The following NFATC2 variants were observed in gnomAD, a reference collection of about 807,000 sequenced individuals.
NFATC2 encodes the protein nuclear factor of activated T cells 2.
NFATC2 carries 22 observed loss-of-function variants against 87.3 expected under a neutral mutation model. That is an observed-to-expected ratio of 0.25 (90% CI 0.18 to 0.36). The LOEUF (loss-of-function observed/expected upper bound fraction) is 0.36, where lower values mean the gene tolerates loss of function less well. Ranked by LOEUF, NFATC2 falls within the 10% of genes least tolerant of loss-of-function variation. The pLI is 1.00. For missense variants in NFATC2, 1,149 were observed against 1,259.1 expected (o/e 0.91, Z 1.32); for synonymous variants, 565 against 542.2 (o/e 1.04, Z -0.58).
At chr20:51,393,309 A>G (rs1176291907) in intron 10 of NFATC2, among the ~76,000 whole-genome samples, 5 of 152,166 alleles carry the variant, frequency 3.3e-5, no homozygotes, top group Non-Finnish European at 7.3e-5. Context: ...ATTGCATCTA[A>G]AAATATTACC....
rs985733020 is a variant in NFATC2, at chr20:51,480,023, C to T, written c.1333-4363G>A. On this transcript the variant is annotated intron_variant, in intron 3 of 10. Coordinates refer to ENST00000371564, the MANE Select transcript of NFATC2 (RefSeq NM_012340.5). This position sits in a 1 kb window ranked among gnomAD's most constrained non-coding sequence, Gnocchi z 4.2. ...CTTCCTGGGGCCAGGCGCGGTGGCTCGTGCCTGTAATCCCAGCACTTTGGG... is the reference window on the plus strand; with the variant it reads ...CTTCCTGGGGCCAGGCGCGGTGGCTTGTGCCTGTAATCCCAGCACTTTGGG... 2.0e-5 allele frequency among the ~76,000 whole-genome samples: 3 copies of T among 152,120 alleles called. No individual in the cohort carries two copies. Among genetic ancestry groups the T allele is most frequent in the African/African-American group, 4.8e-5 (2 of 41,408 alleles).
chr20:51,465,530 C>T (rs1333848073), intron 5 of NFATC2, among the ~76,000 whole-genome samples: 1 of 152,186 alleles, frequency 6.6e-6, no homozygotes, highest in East Asian at 1.9e-4. Flanking sequence ...TCCACACAGT[C>T]TCCCTGGGTA....
intron 9 of NFATC2, among the ~76,000 whole-genome samples, chr20:51,404,297 T>C (rs1657383912): frequency 6.6e-6 from 1 of 152,168 alleles, no homozygotes; most frequent in African/African-American, 2.4e-5. Flanking sequence ...TTCATAGAAC[T>C]TGAGGCAAAT....
At chr20:51,517,017 T>A in intron 2 of NFATC2, 62 bp from the exon 3 acceptor site, 1 of 1,502,616 alleles carries the variant, frequency 6.7e-7, no homozygotes, top group Non-Finnish European at 9.0e-7. Flanking sequence ...ACTTGTACAA[T>A]AATTGTAAAC....
chr20:51,428,624 G>C (rs1197664537), intron 9 of NFATC2, among the ~76,000 whole-genome samples: 1 of 152,300 alleles, frequency 6.6e-6, no homozygotes, highest in Admixed American at 6.5e-5. Flanking sequence ...CCAAGGTGCA[G>C]GAAACGATAA....
Position 51,523,147 on chromosome 20 carries a change from G to A in NFATC2, c.1094C>T (p.Pro365Leu). 1 of 1,614,240 alleles carries A rather than the reference G, an allele frequency of 6.2e-7. No individual in the cohort carries two copies. The highest frequency in any genetic ancestry group is 8.5e-7 in the Non-Finnish European group (1 of 1,180,052). Residue 365 changes from proline (P) to leucine (L), a missense_variant, in exon 2 of 11, where the codon CCA (proline) becomes CTA (leucine). Pro to Leu is a moderately conservative substitution (Grantham distance 98). Coordinates refer to ENST00000371564, the MANE Select transcript of NFATC2 (RefSeq NM_012340.5). This position sits in a 1 kb window ranked among gnomAD's most constrained non-coding sequence, Gnocchi z 6.9. ...CEQGERRNSA[P>L]ESILLVPPTW... The stretch of plus-strand genomic sequence containing the variant: ...GGGCGGAACCAGCAGGATGGATTCT[G>A]GAGCCGAGTTTCTCCTCTCGCCCTG...
chr20:51,523,524 G>C lies in NFATC2; in HGVS notation c.717C>G (p.Pro239=). The change falls in exon 2 of 11, where the codon CCC becomes CCG. Residue 239 remains proline, a synonymous_variant. Coordinates refer to ENST00000371564, the MANE Select transcript of NFATC2 (RefSeq NM_012340.5). The surrounding 1 kb of genome is among the most constrained non-coding windows in gnomAD (Gnocchi z 6.9). ...GCGATGAGGAGCGGGAGGCCGGACG[G>C]GGCACGGGCGAGTGGCGGCCCAGGC... The part of the protein sequence containing the change: ...DSCLGRHSPV[P]RPASRSSSPG... 6.2e-7 allele frequency: 1 copy of C among 1,613,534 alleles called. No individual in the cohort carries two copies.
chr20:51,541,946 C>CT (rs1008850570), intron 1 of NFATC2, among the ~76,000 whole-genome samples: 1 of 152,116 alleles, frequency 6.6e-6, no homozygotes, highest in Non-Finnish European at 1.5e-5. Flanking sequence ...CCCCTTCCTT[C>CT]TTTTTTTGGC....
chr20:51,548,615 ATTGTT>A (rs1318932080), intron 1 of NFATC2, among the ~76,000 whole-genome samples: 1 of 152,246 alleles, frequency 6.6e-6, no homozygotes, highest in Non-Finnish European at 1.5e-5. Flanking sequence ...GAAGTTATTC[ATTGTT>A]TACCTGAAAT....
rs1325510035 is a variant in NFATC2, at chr20:51,432,444, C to T, written c.2345G>A (p.Arg782His). ...GGAGCCGGCGTGCACCAGCACAGAG[C>T]GGTGAGCGTCCGCAAGGGACAGCGG... is the stretch of plus-strand genomic sequence containing the variant. ...AAPLSLADAHRSVLVHAGSQG... is the reference protein window; with the variant it reads ...AAPLSLADAHHSVLVHAGSQG... The change falls in exon 9 of 11, where the codon CGC becomes CAC. Residue 782 changes from arginine (R) to histidine (H), a missense_variant. Arg to His is a conservative substitution (Grantham distance 29, BLOSUM62 0). Around this residue, in one of 3 missense-constraint regions of NFATC2, gnomAD observed 581 missense variants for 649.7 expected, o/e 0.89. Coordinates refer to ENST00000371564, the MANE Select transcript of NFATC2 (RefSeq NM_012340.5). This position sits in a 1 kb window ranked among gnomAD's most constrained non-coding sequence, Gnocchi z 4.6. 36 of 1,572,750 alleles carry T rather than the reference C, an allele frequency of 2.3e-5. No individual in the cohort carries two copies. Among genetic ancestry groups the T allele is most frequent in the Admixed American group, 3.5e-5 (2 of 56,724 alleles).
In NFATC2 at chr20:51,388,722, A is replaced by C. The variant is rs1267884009; in HGVS notation, c.*2774T>G. Reference sequence around the variant, plus strand: ...TTTGTACAATACAGGAAGACTTGCAAACTTTGGAAATATACTACATTCAGC... The same window carrying C: ...TTTGTACAATACAGGAAGACTTGCACACTTTGGAAATATACTACATTCAGC... On this transcript the variant is annotated 3_prime_UTR_variant, in exon 11 of 11. Coordinates refer to ENST00000371564, the MANE Select transcript of NFATC2 (RefSeq NM_012340.5). 6.6e-6 allele frequency: 1 copy of C among 152,188 alleles called. No individual in the cohort carries two copies. The allele number at this position is 152,188 out of a possible 1,614,324, so 9.4% of individuals were successfully genotyped here.
intron 5 of NFATC2, among the ~76,000 whole-genome samples, chr20:51,463,735 T>A (rs1375076759): frequency 1.3e-5 from 2 of 152,152 alleles, no homozygotes; most frequent in Admixed American, 6.5e-5. Context: ...CAAGGGTGCT[T>A]TTCTGTGCCT....
chr20:51,392,026 G>A lies in NFATC2; in HGVS notation c.*45-575C>T, dbSNP rs77162589. On this transcript the variant is annotated intron_variant, in intron 10 of 10. Coordinates refer to ENST00000371564, the MANE Select transcript of NFATC2 (RefSeq NM_012340.5). ...TGGGAAAAATGGATTTGAGCCATAG[G>A]GCATGTTTGAAGTAACTTTCTCCTC... Among the ~76,000 whole-genome samples, 1,204 of 152,232 alleles carry A rather than the reference G, an allele frequency of 7.9e-3. 14 individuals are homozygous for A. The highest frequency in any genetic ancestry group is 0.028 in the African/African-American group (1,164 of 41,538).
chr20:51,513,654 T>A (rs1006494901), intron 3 of NFATC2, among the ~76,000 whole-genome samples: 1 of 152,188 alleles, frequency 6.6e-6, no homozygotes, highest in African/African-American at 2.4e-5. Context: ...CAGCCCCTGA[T>A]GAATGGGTGA....
intron 6 of NFATC2, among the ~76,000 whole-genome samples, chr20:51,440,235 T>TTAAAAAAA (rs1984138722): frequency 7.8e-5 from 1 of 12,894 alleles, no homozygotes; most frequent in Non-Finnish European, 1.2e-4. Context: ...AAACTCCATC[T>TTAAAAAAA]CAAAAAAAAA....
At chr20:51,405,809 A>G (rs6096410) in intron 9 of NFATC2, among the ~76,000 whole-genome samples, 4,105 of 152,264 alleles carry the variant, frequency 0.027, 176 homozygotes, top group African/African-American at 0.094. Context: ...ACTTGCCCAG[A>G]ATTTTTCCGA....
chr20:51,532,854 C>A (rs1004862473), intron 1 of NFATC2, among the ~76,000 whole-genome samples: 2 of 152,230 alleles, frequency 1.3e-5, no homozygotes, highest in African/African-American at 4.8e-5. Context: ...CAGGGAGGGG[C>A]AGAGGCAAAT....
At chr20:51,423,454 A>G (rs370979845) in intron 9 of NFATC2, among the ~76,000 whole-genome samples, 41 of 152,282 alleles carry the variant, frequency 2.7e-4, no homozygotes, top group African/African-American at 9.1e-4. Context: ...TACATCCAGC[A>G]TAGCACACCC....
upstream of NFATC2, among the ~76,000 whole-genome samples, chr20:51,543,970 T>A (rs1188583261): frequency 1.4e-5 from 2 of 142,844 alleles, no homozygotes; most frequent in African/African-American, 5.2e-5. Flanking sequence ...GAAGCAGAAT[T>A]CCTAATTTTT....
Sources: gnomAD v4.1 joint callset for allele counts (sites outside exome capture counted in the v4.1 genomes callset) on GRCh38, gnomAD v4.1.1 for gene constraint, gnomAD v4.1.1 regional missense constraint, Gnocchi (gnomAD v3.1) non-coding constraint, MANE v1.5 for transcripts, NCBI Gene and HGNC (gene_info 2026-07-23, HGNC 2026-07-21) for gene names.